Variants in CA10 observed in about 807,000 individuals in gnomAD.
CA10 encodes carbonic anhydrase-related protein 10.
CA10 carries 14 observed loss-of-function variants against 44.2 expected under a neutral mutation model. The ratio of observed to expected loss-of-function variants is 0.32; its 90% confidence interval spans 0.21 to 0.50. The LOEUF is 0.50. Among genes scored for constraint, CA10 ranks in the 20% least tolerant of loss-of-function variants. The pLI, the probability that CA10 is intolerant of heterozygous loss-of-function variation, is 0.99. For synonymous variants in CA10, 159 were observed against 141.6 expected, an observed-to-expected ratio of 1.12 and a Z score of -0.87; for missense variants, 350 against 409.7, an observed-to-expected ratio of 0.85 and a Z score of 1.26.
intron 1 of CA10, among the ~76,000 whole-genome samples, chr17:52,126,474 T>C (rs1424394168): frequency 1.3e-5 from 2 of 152,226 alleles, no homozygotes; most frequent in Admixed American, 1.3e-4. Flanking sequence ...TCTGAATGTT[T>C]GGTTAACCTA....
intron 1 of CA10, among the ~76,000 whole-genome samples, chr17:52,136,688 C>G (rs879783388): frequency 9.2e-5 from 14 of 152,078 alleles, no homozygotes; most frequent in Admixed American, 6.5e-4. Flanking sequence ...CCTCTGCCCC[C>G]CTTTCTGAGC....
chr17:52,058,570 T>C (rs1412321622), intron 2 of CA10, among the ~76,000 whole-genome samples: 1 of 152,164 alleles, frequency 6.6e-6, no homozygotes, highest in Non-Finnish European at 1.5e-5. Flanking sequence ...CTCTCATAAA[T>C]GAAATGATAA....
chr17:51,983,085 T>A (rs1459676722), intron 2 of CA10, among the ~76,000 whole-genome samples: 1 of 149,506 alleles, frequency 6.7e-6, no homozygotes, highest in Non-Finnish European at 1.5e-5. Flanking sequence ...CAATTTTTTA[T>A]AGGAAATTTT....
intron 1 of CA10, among the ~76,000 whole-genome samples, chr17:52,125,395 G>A (rs962688118): frequency 3.9e-5 from 6 of 152,186 alleles, no homozygotes; most frequent in Non-Finnish European, 7.4e-5. Context: ...AGGTGTCCCT[G>A]AGAACCCAAA....
At chr17:51,638,438 C>T (rs937891622) in intron 6 of CA10, among the ~76,000 whole-genome samples, 4 of 152,182 alleles carry the variant, frequency 2.6e-5, no homozygotes, top group African/African-American at 9.6e-5. Flanking sequence ...AGGACATGCT[C>T]GAGAGAGACA....
chr17:51,750,795 C>T (rs533303133), intron 3 of CA10, among the ~76,000 whole-genome samples: 2 of 152,340 alleles, frequency 1.3e-5, no homozygotes, highest in South Asian at 4.1e-4. Context: ...CTATGACATG[C>T]ATGCTTTGTG....
chr17:52,124,964 A>G (rs1229107077), intron 1 of CA10, among the ~76,000 whole-genome samples: 1 of 152,104 alleles, frequency 6.6e-6, no homozygotes, highest in Non-Finnish European at 1.5e-5. Flanking sequence ...TTCTTCTCCT[A>G]TACCTACCAT....
At chr17:52,039,174 A>AT (rs1259012043) in intron 2 of CA10, among the ~76,000 whole-genome samples, 2 of 152,242 alleles carry the variant, frequency 1.3e-5, no homozygotes, top group African/African-American at 4.8e-5. Flanking sequence ...TCTTGATATG[A>AT]TTCCAAGAAA....
At chr17:51,872,106 GAC>G (rs1440764362) in intron 3 of CA10, among the ~76,000 whole-genome samples, 1 of 152,190 alleles carries the variant, frequency 6.6e-6, no homozygotes, top group Admixed American at 6.5e-5. Flanking sequence ...GCACGTTAAA[GAC>G]AGAGAGCAGA....
At chr17:52,064,329 C>A (rs1987474408) in intron 2 of CA10, among the ~76,000 whole-genome samples, 1 of 152,174 alleles carries the variant, frequency 6.6e-6, no homozygotes, top group Non-Finnish European at 1.5e-5. Context: ...CCCAAGGAAA[C>A]TGTGAAATAA....
At chr17:51,947,352 C>T (rs914481882) in intron 2 of CA10, among the ~76,000 whole-genome samples, 7 of 151,734 alleles carry the variant, frequency 4.6e-5, no homozygotes, top group African/African-American at 1.7e-4. Context: ...CTCATAAAAT[C>T]CGACAAAGGT....
At chr17:51,966,446 G>A (rs1984084177) in intron 2 of CA10, among the ~76,000 whole-genome samples, 1 of 151,904 alleles carries the variant, frequency 6.6e-6, no homozygotes, top group Non-Finnish European at 1.5e-5. Flanking sequence ...CACATTACCT[G>A]ACTTCAAGCT....
At chr17:52,116,167 C>T (rs1400723008) in intron 1 of CA10, among the ~76,000 whole-genome samples, 2 of 151,960 alleles carry the variant, frequency 1.3e-5, no homozygotes, top group African/African-American at 4.8e-5. Flanking sequence ...CCCCAGGCAT[C>T]TTTCCAGTCC....
chr17:51,812,888 C>A (rs12453036), intron 3 of CA10, among the ~76,000 whole-genome samples: 28,766 of 152,138 alleles, frequency 0.19, 3,290 homozygotes, highest in Middle Eastern at 0.34. Context: ...GATGAGGGGA[C>A]CTGCTTAACC....
chr17:51,833,861 T>G (rs979829360), intron 3 of CA10, among the ~76,000 whole-genome samples: 1 of 152,260 alleles, frequency 6.6e-6, no homozygotes, highest in African/African-American at 2.4e-5. Flanking sequence ...TTTATCCTGA[T>G]GATTTTATCT....
At chr17:51,982,085 G>A (rs1598151556) in intron 2 of CA10, among the ~76,000 whole-genome samples, 2 of 151,952 alleles carry the variant, frequency 1.3e-5, no homozygotes, top group Non-Finnish European at 2.9e-5. Flanking sequence ...AACTTATACT[G>A]TCAGACTATA....
intron 3 of CA10, among the ~76,000 whole-genome samples, chr17:51,827,963 C>T (rs575402064): frequency 1.3e-5 from 2 of 152,324 alleles, no homozygotes; most frequent in South Asian, 4.1e-4. Context: ...TGTCAACACC[C>T]AGGACAAACT....
At chr17:52,146,407 T>A (rs1989584607) in intron 1 of CA10, among the ~76,000 whole-genome samples, 1 of 151,718 alleles carries the variant, frequency 6.6e-6, no homozygotes, top group Admixed American at 6.6e-5. Flanking sequence ...AAAATAAAAA[T>A]AGGCCGGGCG....
chr17:51,829,804 A>G (rs1908163571), intron 3 of CA10, among the ~76,000 whole-genome samples: 2 of 152,240 alleles, frequency 1.3e-5, no homozygotes, highest in Non-Finnish European at 2.9e-5. Context: ...AGGCTGATTT[A>G]TAAGCCCTTG....
Sources: allele counts gnomAD v4.1 joint callset (sites outside exome capture counted in the v4.1 genomes callset), GRCh38; gene constraint gnomAD v4.1.1; transcripts MANE v1.5; gene names NCBI Gene and HGNC (gene_info 2026-07-23, HGNC 2026-07-21).